Variants in TMPRSS15 observed in about 807,000 individuals in gnomAD.
TMPRSS15 encodes transmembrane serine protease 15.
A neutral mutation model predicts 125.3 loss-of-function variants in TMPRSS15; 128 were observed. That is an observed-to-expected ratio of 1.02 (90% CI 0.89 to 1.18). The LOEUF (loss-of-function observed/expected upper bound fraction) is 1.18, where lower values mean the gene tolerates loss of function less well. TMPRSS15 is among the 50% of genes most tolerant of loss of function. The pLI is 0.00. For synonymous variants in TMPRSS15, 446 were observed against 423.2 expected, an observed-to-expected ratio of 1.05 and a Z score of -0.66; for missense variants, 1,283 against 1,212.7, an observed-to-expected ratio of 1.06 and a Z score of -0.86.
intron 1 of TMPRSS15, among the ~76,000 whole-genome samples, chr21:18,423,461 T>C (rs2076196414): frequency 6.7e-6 from 1 of 149,552 alleles, no homozygotes; most frequent in South Asian, 2.1e-4. Context: ...CAGGCTGGAG[T>C]GCAGTGGCGC....
chr21:18,341,632 C>G (rs990475952), intron 12 of TMPRSS15, 84 bp from the exon 13 acceptor site: 26 of 1,418,816 alleles, frequency 1.8e-5, no homozygotes, highest in Non-Finnish European at 2.5e-5. Flanking sequence ...CCAAGAGATT[C>G]AATATTGTCT....
intron 1 of TMPRSS15, among the ~76,000 whole-genome samples, chr21:18,433,686 A>AG (rs1555912319): frequency 6.6e-6 from 1 of 150,866 alleles, no homozygotes; most frequent in Non-Finnish European, 1.5e-5. Context: ...AAAAAAAAAA[A>AG]GAAAATAACA....
At position 18,423,987 on chromosome 21, in the gene TMPRSS15, G is replaced by C. The variant is rs575825796; in HGVS notation, c.11-25658C>G. Among the ~76,000 whole-genome samples, 312 of 152,142 alleles carry C rather than the reference G, an allele frequency of 2.1e-3. 1 individual carries two copies. The highest frequency in any genetic ancestry group is 3.6e-3 in the Non-Finnish European group (247 of 68,018). On this transcript the variant is annotated intron_variant, in intron 1 of 7. Coordinates refer to the TMPRSS15 transcript ENST00000422787. ...TGATCACAAAGCAAAACATAAAGGAGACATTCAAGAGTGCTTTATTTAAAG... is the reference window on the plus strand; with the variant it reads ...TGATCACAAAGCAAAACATAAAGGACACATTCAAGAGTGCTTTATTTAAAG...
At chr21:18,282,881 T>A (rs1395347945) in intron 21 of TMPRSS15, among the ~76,000 whole-genome samples, 1 of 151,886 alleles carries the variant, frequency 6.6e-6, no homozygotes, top group African/African-American at 2.4e-5. Flanking sequence ...ATGGGAGGGA[T>A]TGAGAACTAG....
intron 21 of TMPRSS15, among the ~76,000 whole-genome samples, chr21:18,290,806 A>C (rs2074824566): frequency 6.8e-6 from 1 of 147,548 alleles, no homozygotes; most frequent in Non-Finnish European, 1.5e-5. Flanking sequence ...AAGAGTATAA[A>C]AATACATCTA....
At chr21:18,318,022 A>G (rs1176792321) in intron 16 of TMPRSS15, among the ~76,000 whole-genome samples, 3 of 152,144 alleles carry the variant, frequency 2.0e-5, no homozygotes, top group Non-Finnish European at 4.4e-5. Flanking sequence ...ACTGAAGTAT[A>G]CTGAAAATAT....
At chr21:18,436,911 A>T (rs1410130503) in intron 1 of TMPRSS15, among the ~76,000 whole-genome samples, 2 of 79,186 alleles carry the variant, frequency 2.5e-5, no homozygotes, top group South Asian at 1.2e-3. Flanking sequence ...AAGGTAATTT[A>T]TAGATTCAAT....
chr21:18,421,009 T>C (rs2076190986), intron 1 of TMPRSS15, among the ~76,000 whole-genome samples: 1 of 152,186 alleles, frequency 6.6e-6, no homozygotes, highest in Non-Finnish European at 1.5e-5. Flanking sequence ...GTGACTTATA[T>C]GTACACTACA....
intron 4 of TMPRSS15, among the ~76,000 whole-genome samples, chr21:18,382,247 A>T (rs1461116062): frequency 1.3e-5 from 2 of 152,132 alleles, no homozygotes; most frequent in Non-Finnish European, 2.9e-5. Flanking sequence ...TAATGTAGAG[A>T]GTAAAAATGT....
At chr21:18,350,861 A>G (rs1162126187) in intron 10 of TMPRSS15, among the ~76,000 whole-genome samples, 1 of 151,954 alleles carries the variant, frequency 6.6e-6, no homozygotes, top group Non-Finnish European at 1.5e-5. Context: ...ATTCTGAATG[A>G]CTTGAATAAG....
intron 1 of TMPRSS15, among the ~76,000 whole-genome samples, chr21:18,441,346 C>T (rs1179312007): frequency 6.6e-6 from 1 of 151,576 alleles, no homozygotes; most frequent in Non-Finnish European, 1.5e-5. Flanking sequence ...GTGGCTCACA[C>T]CTGTAATCCC....
rs147521616 is a variant in TMPRSS15 at position 18,368,523 on chromosome 21, G to A, written c.665-3275C>T. Among the ~76,000 whole-genome samples, 617 of 152,330 alleles carry A rather than the reference G, an allele frequency of 4.1e-3. 4 individuals carry two copies. Among genetic ancestry groups the A allele is most frequent in the African/African-American group, 0.014 (584 of 41,578 alleles). On this transcript the variant is annotated intron_variant, in intron 6 of 24. Transcript: ENST00000284885. ...AAGGATCCAGTAGAGGACTCTGGGG[G>A]CAGAGAGAGTGGCAAGTAAGGAGCA... is the stretch of plus-strand genomic sequence containing the variant.
At chr21:18,276,837 GCAACCTCCGCCTCCTGGGTT>G (rs2074628199) in intron 23 of TMPRSS15, among the ~76,000 whole-genome samples, 1 of 144,406 alleles carries the variant, frequency 6.9e-6, no homozygotes, top group Non-Finnish European at 1.5e-5. Context: ...TCGGCTCACT[GCAACCTCCGCCTCCTGGGTT>G]CAAGTGATTC....
chr21:18,378,829 A>C (rs1384046261), intron 5 of TMPRSS15, among the ~76,000 whole-genome samples: 2 of 152,150 alleles, frequency 1.3e-5, no homozygotes, highest in Non-Finnish European at 2.9e-5. Flanking sequence ...ATACTTAAAA[A>C]AAATTCCTGA....
intron 6 of TMPRSS15, among the ~76,000 whole-genome samples, chr21:18,365,499 CCTTG>C (rs1239556791): frequency 1.4e-5 from 2 of 147,650 alleles, no homozygotes; most frequent in East Asian, 2.0e-4. Context: ...CTTCCTTTTC[CCTTG>C]CTTCCTTCCT....
intron 21 of TMPRSS15, among the ~76,000 whole-genome samples, chr21:18,284,127 C>T (rs1601268443): frequency 6.6e-6 from 1 of 152,108 alleles, no homozygotes; most frequent in African/African-American, 2.4e-5. Flanking sequence ...TGAGCAGCAC[C>T]ATGGATAGGA....
At chr21:18,456,824 C>T (rs1232901809) in intron 1 of TMPRSS15, among the ~76,000 whole-genome samples, 2 of 152,058 alleles carry the variant, frequency 1.3e-5, no homozygotes, top group African/African-American at 4.8e-5. Flanking sequence ...AAATTTATAT[C>T]TTCCTTTTAC....
rs1331300335 is a variant in TMPRSS15 at position 18,315,166 on chromosome 21, C to A, written c.2012G>T (p.Gly671Val). Residue 671 changes from glycine (G) to valine (V), a missense_variant, in exon 17 of 25, where the codon GGC becomes GTC. Physicochemically the swap from Gly to Val is moderately radical, Grantham distance 109 (BLOSUM62 -3). Coordinates refer to ENST00000284885, the MANE Select transcript of TMPRSS15 (RefSeq NM_002772.3). ...LCDGHLHCED[G>V]SDEADCVRFF... ...CATACCACAATCTGCTTCATCTGAG[C>A]CATCCTCACAGTGCAGATGACCGTC... The A allele has an allele frequency of 1.2e-6, 2 of 1,613,334 alleles. No individual in the cohort carries two copies. The highest frequency in any genetic ancestry group is 2.7e-5 in the African/African-American group (2 of 75,024).
intron 21 of TMPRSS15, among the ~76,000 whole-genome samples, chr21:18,292,233 C>T (rs1384559806): frequency 6.6e-6 from 1 of 152,206 alleles, no homozygotes; most frequent in Admixed American, 6.5e-5. Context: ...TTAGTATTTA[C>T]ATAGACAAGA....
Sources: allele counts gnomAD v4.1 joint callset (sites outside exome capture counted in the v4.1 genomes callset), GRCh38; gene constraint gnomAD v4.1.1; transcripts MANE v1.5; gene names NCBI Gene and HGNC (gene_info 2026-07-23, HGNC 2026-07-21).